Variants in HEMK2 observed in about 807,000 individuals in gnomAD.
HEMK2 encodes HemK methyltransferase 2, ETF1 glutamine and histone H4 lysine, also known as methyltransferase HEMK2.
the HEMK2 span, among the ~76,000 whole-genome samples, chr21:28,824,506 AT>A: frequency 1.3e-5 from 2 of 152,186 alleles, no homozygotes; most frequent in Non-Finnish European, 2.9e-5. Context: ...TTTGTCTTCA[AT>A]TCATCTACTG....
the HEMK2 span, among the ~76,000 whole-genome samples, chr21:28,578,286 CAGAT>C: frequency 6.6e-6 from 1 of 152,176 alleles, no homozygotes; most frequent in African/African-American, 2.4e-5. Context: ...TTTTTGCCCT[CAGAT>C]AGAAAGATAA....
chr21:28,731,663 A>G, the HEMK2 span, among the ~76,000 whole-genome samples: 72,073 of 148,102 alleles, frequency 0.49, 20,067 homozygotes, highest in East Asian at 0.78. Context: ...GCTAAATGAC[A>G]AGTTAATGGG....
the HEMK2 span, among the ~76,000 whole-genome samples, chr21:28,646,794 A>T: frequency 6.6e-6 from 1 of 152,188 alleles, no homozygotes; most frequent in African/African-American, 2.4e-5. Context: ...TCCATTTGGC[A>T]TGAGCTTCCA....
the HEMK2 span, among the ~76,000 whole-genome samples, chr21:28,738,683 T>C: frequency 1.3e-5 from 2 of 152,232 alleles, no homozygotes; most frequent in Admixed American, 1.3e-4. Flanking sequence ...CCCCACTCCC[T>C]GAACTCCGAA....
the HEMK2 span, among the ~76,000 whole-genome samples, chr21:28,737,434 A>T: frequency 6.6e-6 from 1 of 152,120 alleles, no homozygotes; most frequent in East Asian, 1.9e-4. Context: ...CCCTCAGTGG[A>T]GTTTTATCCA....
At chr21:28,882,951 C>T in the HEMK2 span, 1 of 1,340,264 alleles carries the variant, frequency 7.5e-7, no homozygotes. Flanking sequence ...GTTAACCTGT[C>T]AGTGGAAGAT....
the HEMK2 span, among the ~76,000 whole-genome samples, chr21:28,636,679 TA>T: frequency 2.0e-5 from 3 of 152,156 alleles, no homozygotes; most frequent in Non-Finnish European, 4.4e-5. Flanking sequence ...TGTCCGGAGT[TA>T]AATCAATATT....
At chr21:28,587,842 A>G in the HEMK2 span, among the ~76,000 whole-genome samples, 1 of 152,226 alleles carries the variant, frequency 6.6e-6, no homozygotes, top group East Asian at 1.9e-4. Flanking sequence ...TGACCATCAT[A>G]GTCCCCTAGA....
the HEMK2 span, among the ~76,000 whole-genome samples, chr21:28,633,291 A>C: frequency 2.6e-5 from 4 of 152,156 alleles, no homozygotes; most frequent in African/African-American, 9.7e-5. Context: ...AAAATGAACA[A>C]AGCTGTCTCT....
At chr21:28,862,888 T>C in the HEMK2 span, among the ~76,000 whole-genome samples, 1 of 152,212 alleles carries the variant, frequency 6.6e-6, no homozygotes, top group Non-Finnish European at 1.5e-5. Context: ...GGGTCGGGGA[T>C]TGGTGCGTTT....
At chr21:28,594,117 A>G in the HEMK2 span, among the ~76,000 whole-genome samples, 58,666 of 152,000 alleles carry the variant, frequency 0.39, 11,749 homozygotes, top group Middle Eastern at 0.48. Flanking sequence ...ATTGTGAGAA[A>G]AACATAATAT....
chr21:28,746,705 G>A, the HEMK2 span, among the ~76,000 whole-genome samples: 24 of 151,872 alleles, frequency 1.6e-4, no homozygotes, highest in East Asian at 1.7e-3. Flanking sequence ...ATGATCTATG[G>A]AGAACATTCC....
chr21:28,851,763 C>T, the HEMK2 span, among the ~76,000 whole-genome samples: 4 of 152,134 alleles, frequency 2.6e-5, no homozygotes, highest in Non-Finnish European at 5.9e-5. Flanking sequence ...GAAAAGTGAT[C>T]AAGGTCTCTC....
the HEMK2 span, among the ~76,000 whole-genome samples, chr21:28,734,021 G>A: frequency 1.1e-4 from 8 of 73,536 alleles, no homozygotes; most frequent in African/African-American, 7.5e-4. Context: ...CCTGAGAGAG[G>A]GTATTAACAT....
At chr21:28,595,656 T>C in the HEMK2 span, among the ~76,000 whole-genome samples, 1 of 152,322 alleles carries the variant, frequency 6.6e-6, no homozygotes, top group African/African-American at 2.4e-5. Flanking sequence ...ACATATCTCT[T>C]CGATATGTTG....
At chr21:28,742,298 C>T in the HEMK2 span, among the ~76,000 whole-genome samples, 34,808 of 152,086 alleles carry the variant, frequency 0.23, 4,623 homozygotes, top group African/African-American at 0.35. Flanking sequence ...AGTTTCTTTA[C>T]GTTTGCCACA....
At chr21:28,878,579 T>G in the HEMK2 span, among the ~76,000 whole-genome samples, 1 of 149,250 alleles carries the variant, frequency 6.7e-6, no homozygotes, top group African/African-American at 2.5e-5. Context: ...TAGTTCCATA[T>G]GTACAATTAG....
chr21:28,714,734 T>C, the HEMK2 span, among the ~76,000 whole-genome samples: 1 of 152,198 alleles, frequency 6.6e-6, no homozygotes, highest in African/African-American at 2.4e-5. Context: ...GGGATACAAA[T>C]GATCTCGTCA....
chr21:28,640,959 A>G, the HEMK2 span, among the ~76,000 whole-genome samples: 2 of 151,464 alleles, frequency 1.3e-5, no homozygotes, highest in Non-Finnish European at 2.9e-5. Flanking sequence ...GAAGGAAATT[A>G]AAGGAATATT....
Sources: allele counts gnomAD v4.1 joint callset (sites outside exome capture counted in the v4.1 genomes callset), GRCh38; gene constraint gnomAD v4.1.1; transcripts MANE v1.5; gene names NCBI Gene and HGNC (gene_info 2026-07-23, HGNC 2026-07-21).